Variants in KY observed in about 807,000 individuals in gnomAD.
KY encodes kyphoscoliosis peptidase.
In KY, 43 loss-of-function variants were observed where a neutral mutation model predicts 76.1. That is an observed-to-expected ratio of 0.57 (90% CI 0.44 to 0.73). The LOEUF is 0.73. KY is among the 30% of genes least tolerant of loss of function. The pLI, the probability that KY is intolerant of heterozygous loss-of-function variation, is 0.00. For synonymous variants in KY, 277 were observed against 326.2 expected (o/e 0.85, Z 1.63); for missense variants, 722 against 828.9 (o/e 0.87, Z 1.58).
intron 3 of KY, among the ~76,000 whole-genome samples, chr3:134,633,713 CT>C (rs1219012253): frequency 6.6e-6 from 1 of 152,094 alleles, no homozygotes; most frequent in African/African-American, 2.4e-5. Context: ...GATATCCACT[CT>C]CACTGATCCT....
At chr3:134,612,797 T>TG (rs1960756193) in intron 8 of KY, among the ~76,000 whole-genome samples, 5 of 53,202 alleles carry the variant, frequency 9.4e-5, no homozygotes, top group Non-Finnish European at 2.0e-4. Context: ...GTGTGTGTGT[T>TG]GCCTGCATGC....
In KY at chr3:134,604,464, C is replaced by T; in HGVS notation, c.1101G>A (p.Lys367=). 3 of 1,604,474 alleles carry T rather than the reference C, an allele frequency of 1.9e-6. No individual in the cohort carries two copies. Among genetic ancestry groups the T allele is most frequent in the Non-Finnish European group, 2.6e-6 (3 of 1,173,772 alleles). Residue 367 remains lysine (K), a synonymous_variant, in exon 11 of 11, where the codon AAG becomes AAA. Transcript: ENST00000423778. ...ETSMIRTVNG[K]ATVTIESCAP... ...CGCAGCTCTCAATGGTGACCGTGGC[C>T]TTCCCATTCACTGAGGAGAGAAAGT...
rs201797448 is a variant in KY, at chr3:134,603,861, G to T, written c.1704C>A (p.Phe568Leu). ...CANTKVNWPMFPESFGNWGQD... is the reference protein window; with the variant it reads ...CANTKVNWPMLPESFGNWGQD... ...GTCCCCAGTTGCCAAAGCTCTCAGG[G>T]AACATGGGCCAGTTCACCTTGGTGT... Residue 568 changes from phenylalanine to leucine, a missense_variant, in exon 11 of 11, where the codon TTC (phenylalanine) becomes TTA (leucine). This residue lies in a region of KY where 552 missense variants were observed against 680.9 expected (regional missense o/e 0.81). Coordinates refer to ENST00000423778, the MANE Select transcript of KY (RefSeq NM_178554.6). 1.2e-6 allele frequency: 2 copies of T among 1,614,040 alleles called. No homozygotes were observed. Among genetic ancestry groups the T allele is most frequent in the East Asian group, 4.5e-5 (2 of 44,876 alleles).
At chr3:134,633,659 G>A (rs566886707) in intron 3 of KY, among the ~76,000 whole-genome samples, 1 of 152,240 alleles carries the variant, frequency 6.6e-6, no homozygotes, top group African/African-American at 2.4e-5. Flanking sequence ...ATTTAATGGT[G>A]AAACATGGTT....
At chr3:134,640,021 T>G (rs1157065790) in intron 3 of KY, 2 of 153,560 alleles carry the variant, frequency 1.3e-5, no homozygotes, top group Admixed American at 6.6e-5. Context: ...TTACTCTCCT[T>G]ACAAATTCAT....
chr3:134,622,894 C>T (rs1369889151), intron 6 of KY, among the ~76,000 whole-genome samples: 2 of 152,188 alleles, frequency 1.3e-5, no homozygotes, highest in African/African-American at 2.4e-5. Context: ...CATCTCACTG[C>T]TCACAAGAGA....
rs372112059 is a variant in KY at position 134,640,225 on chromosome 3, TG to T, written c.262+3090del. On this transcript the variant is annotated intron_variant, in intron 3 of 10. Transcript: ENST00000423778. ...CTGCACATTGAGGGTGGGGGTTGGGTGGGGGGTACTGCACCCAAATCAACAC... is the reference window on the plus strand; with the variant it reads ...CTGCACATTGAGGGTGGGGGTTGGGTGGGGGTACTGCACCCAAATCAACAC... Among the ~76,000 whole-genome samples, 44 of 131,602 alleles carry T rather than the reference TG, an allele frequency of 3.3e-4. 1 individual carries two copies. The highest frequency in any genetic ancestry group is 1.2e-3 in the African/African-American group (43 of 35,180). 86.3% of individuals were successfully genotyped at this position (131,602 alleles called of 152,430 possible). A position where few individuals can be genotyped will look rare whatever the true frequency, so the allele number is the denominator to read the frequency against.
Position 134,650,897 on chromosome 3 carries a change from T to C in KY, c.64A>G (p.Lys22Glu), listed in dbSNP as rs532074757. The C allele has an allele frequency of 1.2e-5, 19 of 1,613,112 alleles. No individual in the cohort carries two copies. The African/African-American group carries it at 2.4e-4, about 20-fold the overall frequency. Reference protein sequence around the residue: ...IDMLLIVHSEKRRAAQGTLSD... With the variant: ...IDMLLIVHSEERRAAQGTLSD... ...AGCGTACCCTGTGCGGCGCGCCGCT[T>C]CTCCGAGTGCACGATCAGCAGCATG... The change falls in exon 1 of 11, where the codon AAG (lysine) becomes GAG (glutamate). Residue 22 changes from lysine to glutamate, a missense_variant. Transcript: ENST00000423778.
chr3:134,609,728 C>A (rs1318435922), intron 9 of KY, among the ~76,000 whole-genome samples: 1 of 152,180 alleles, frequency 6.6e-6, no homozygotes, highest in African/African-American at 2.4e-5. Context: ...CCAAAAACCA[C>A]AGCCCTTTCC....
In KY at chr3:134,619,131, A is replaced by C. The variant is rs1224713887; in HGVS notation, c.710+17T>G. The C allele has an allele frequency of 3.8e-6, 6 of 1,594,838 alleles. No homozygotes were observed. The highest frequency in any genetic ancestry group is 1.1e-5 in the South Asian group (1 of 90,618). ...GATGGGTCCGGTGGTCAGCATGGGG[A>C]CTCCTGTCTCTCGTACCTGCACATT... On this transcript the variant is annotated intron_variant, in intron 8 of 10. Coordinates refer to ENST00000423778, the MANE Select transcript of KY (RefSeq NM_178554.6).
chr3:134,650,205 T>G (rs1229775991), intron 1 of KY, among the ~76,000 whole-genome samples: 4 of 152,188 alleles, frequency 2.6e-5, no homozygotes, highest in African/African-American at 9.7e-5. Flanking sequence ...AGAAAGTGTG[T>G]AGGACAAGTA....
rs768872501 is a variant in KY at position 134,627,720 on chromosome 3, C to G, written c.400+36G>C. On this transcript the variant is annotated intron_variant, in intron 5 of 10. Coordinates refer to ENST00000423778, the MANE Select transcript of KY (RefSeq NM_178554.6). ...GTCTATGAGGCTAAACCCATGTGCT[C>G]TCTTGAGAATTGTCCTGGAAGACTC... The G allele has an allele frequency of 3.1e-6, 5 of 1,593,572 alleles. 1 individual carries two copies. Among genetic ancestry groups the G allele is most frequent in the South Asian group, 1.1e-5 (1 of 90,464 alleles).
At chr3:134,644,750 G>C (rs75888139) in intron 2 of KY, among the ~76,000 whole-genome samples, 23 of 152,338 alleles carry the variant, frequency 1.5e-4, no homozygotes, top group Non-Finnish European at 2.5e-4. Flanking sequence ...CAATCAAGGT[G>C]GGGGGTGAGG....
intron 2 of KY, 32 bp from the exon 3 acceptor site, chr3:134,643,410 A>G (rs1040251712): frequency 1.3e-6 from 2 of 1,594,472 alleles, no homozygotes; most frequent in Non-Finnish European, 1.7e-6. Context: ...GCCTGCAGTG[A>G]CCACTGGGGA....
intron 10 of KY, 192 bp downstream of exon 10, chr3:134,608,457 C>T: frequency 6.6e-7 from 1 of 1,525,218 alleles, no homozygotes; most frequent in Non-Finnish European, 8.8e-7. Context: ...ATGGCCCTTC[C>T]CTGCCCTGAT....
intron 3 of KY, among the ~76,000 whole-genome samples, chr3:134,638,154 C>T (rs1331413793): frequency 2.0e-5 from 3 of 152,204 alleles, no homozygotes; most frequent in Admixed American, 2.0e-4. Flanking sequence ...CACTGGGAGG[C>T]TTTGCTGGCT....
chr3:134,610,047 C>T (rs1413637975), intron 9 of KY, 148 bp downstream of exon 9: 1 of 826,332 alleles, frequency 1.2e-6, no homozygotes, highest in African/African-American at 1.7e-5. Context: ...GGAGCCAGCC[C>T]ACTTCAGAGC....
At chr3:134,623,424 G>T (rs1962963777) in intron 6 of KY, among the ~76,000 whole-genome samples, 7 of 152,062 alleles carry the variant, frequency 4.6e-5, no homozygotes. Context: ...CTCCCCTCCT[G>T]CTTCAGCCTT....
intron 8 of KY, among the ~76,000 whole-genome samples, chr3:134,612,751 C>CTGTGTGTGTGTGTGTGTGTGTGTG (rs35084772): frequency 8.0e-6 from 1 of 125,422 alleles, no homozygotes; most frequent in African/African-American, 3.1e-5. Context: ...CACGCCGATG[C>CTGTGTGTGTGTGTGTGTGTGTGTG]TGTGTGTGTG....
Sources: gnomAD v4.1 joint callset for allele counts (sites outside exome capture counted in the v4.1 genomes callset) on GRCh38, gnomAD v4.1.1 for gene constraint, gnomAD v4.1.1 regional missense constraint, MANE v1.5 for transcripts, NCBI Gene and HGNC (gene_info 2026-07-23, HGNC 2026-07-21) for gene names.